Variants in LARP4 observed in about 807,000 individuals in gnomAD.
LARP4 encodes the protein la-related protein 4.
In LARP4, 29 loss-of-function variants were observed where a neutral mutation model predicts 92.9. The observed-to-expected ratio is 0.31, with a 90% CI of 0.23 to 0.43. The LOEUF (loss-of-function observed/expected upper bound fraction) is 0.43, where lower values mean the gene tolerates loss of function less well. LARP4 is among the 20% of genes least tolerant of loss of function. The pLI, the probability that LARP4 is intolerant of heterozygous loss-of-function variation, is 1.00. For synonymous variants in LARP4, 279 were observed against 284.1 expected, an observed-to-expected ratio of 0.98 and a Z score of 0.18; for missense variants, 732 against 860.0, an observed-to-expected ratio of 0.85 and a Z score of 1.86.
rs149999313 is a variant in LARP4, at chr12:50,476,075, A to AAT, written c.*227_*228dup. The stretch of plus-strand genomic sequence containing the variant: ...ATGCTGGAGGATTCCAATCAATATA[A>AAT]ATATATATATATATATACACACACA... On this transcript the variant is annotated 3_prime_UTR_variant, in exon 16 of 16. Transcript: ENST00000398473. 3,980 of 286,874 alleles carry AAT rather than the reference A, an allele frequency of 0.014. 43 individuals are homozygous for AAT. The highest frequency in any genetic ancestry group is 0.04 in the African/African-American group (1,810 of 45,606). 17.8% of individuals were successfully genotyped at this position (286,874 alleles called of 1,614,324 possible).
In LARP4 at chr12:50,476,242, A is replaced by G. The variant is rs1226586459; in HGVS notation, c.*378A>G. 1 of 152,312 alleles carries G rather than the reference A, an allele frequency of 6.6e-6. No homozygotes were observed. Among genetic ancestry groups the G allele is most frequent in the Non-Finnish European group, 1.5e-5 (1 of 68,114 alleles). 9.4% of individuals were successfully genotyped at this position (152,312 alleles called of 1,614,324 possible). On this transcript the variant is annotated 3_prime_UTR_variant, in exon 16 of 16. Coordinates refer to ENST00000398473, the MANE Select transcript of LARP4 (RefSeq NM_052879.5). The stretch of plus-strand genomic sequence containing the variant: ...ATCCTTCAGTATAGGAGATGAGGGA[A>G]TGAGAGAAAATATTTTTTGAAGAAG...
chr12:50,401,118 C>G, intron 1 of LARP4, 90 bp downstream of exon 1: 1 of 1,456,468 alleles, frequency 6.9e-7, no homozygotes, highest in Non-Finnish European at 9.6e-7. Context: ...ACTTTCCGGG[C>G]CGTACACGCC....
Position 50,427,868 on chromosome 12 carries a change from C to G in LARP4, c.125C>G (p.Ser42Cys). 6.2e-7 allele frequency: 1 copy of G among 1,601,268 alleles called. No homozygotes were observed. Among genetic ancestry groups the G allele is most frequent in the Non-Finnish European group, 8.5e-7 (1 of 1,171,420 alleles). ...CCAGTAACTCATGGAACTGAAAGCT[C>G]TTGGCATGAAATAGCAGCTACATCA... ...ATPVTHGTES[S>C]WHEIAATSGA... Residue 42 changes from serine (S) to cysteine (C), a missense_variant, in exon 2 of 16, where the codon TCT becomes TGT. By Grantham distance (112) the Ser-to-Cys change is moderately radical. Coordinates refer to ENST00000398473, the MANE Select transcript of LARP4 (RefSeq NM_052879.5).
chr12:50,446,520 T>C (rs56989201), intron 8 of LARP4, among the ~76,000 whole-genome samples: 15,927 of 143,044 alleles, frequency 0.11, 1,861 homozygotes, highest in East Asian at 0.46. Context: ...CTCTGCCTCC[T>C]GGGTTTCAAG....
chr12:50,467,484 G>A (rs374641028), intron 13 of LARP4, among the ~76,000 whole-genome samples: 4 of 151,886 alleles, frequency 2.6e-5, no homozygotes, highest in East Asian at 3.9e-4. Flanking sequence ...TTTTTTTTTA[G>A]TAGAGACAGG....
chr12:50,437,105 T>A (rs891035197), intron 5 of LARP4, among the ~76,000 whole-genome samples: 1 of 152,174 alleles, frequency 6.6e-6, no homozygotes, highest in African/African-American at 2.4e-5. Context: ...TTATTCTACT[T>A]ACCTGTTCAT....
chr12:50,421,837 G>C (rs191723729), intron 1 of LARP4, among the ~76,000 whole-genome samples: 138 of 152,138 alleles, frequency 9.1e-4, no homozygotes, highest in African/African-American at 3.1e-3. Flanking sequence ...CTTTGTTTCT[G>C]GAGTCAGGCT....
Position 50,479,572 on chromosome 12 carries a change from C to T in LARP4, c.*3708C>T, listed in dbSNP as rs1413046598. 6.6e-6 allele frequency: 1 copy of T among 152,226 alleles called. No homozygotes were observed. The highest frequency in any genetic ancestry group is 2.1e-4 in the South Asian group (1 of 4,828). 9.4% of individuals were successfully genotyped at this position (152,226 alleles called of 1,614,324 possible). On this transcript the variant is annotated 3_prime_UTR_variant, in exon 16 of 16. Transcript: ENST00000398473. The stretch of plus-strand genomic sequence containing the variant: ...TGAGTAAATCCTCCTTTGAAATTCA[C>T]CTGATTATTAGATAACTTAAAGTTT...
At chr12:50,448,204 A>T (rs1436108655) in intron 8 of LARP4, among the ~76,000 whole-genome samples, 1 of 152,104 alleles carries the variant, frequency 6.6e-6, no homozygotes, top group Non-Finnish European at 1.5e-5. Context: ...ATGGACATAC[A>T]ATATACCATC....
chr12:50,451,272 G>A (rs1465509573), intron 8 of LARP4, among the ~76,000 whole-genome samples: 1 of 152,078 alleles, frequency 6.6e-6, no homozygotes, highest in African/African-American at 2.4e-5. Flanking sequence ...GTCTCTATGA[G>A]TTCCACCTTG....
intron 3 of LARP4, among the ~76,000 whole-genome samples, 158 bp downstream of exon 3, chr12:50,429,248 C>T (rs1283329232): frequency 6.6e-6 from 1 of 152,084 alleles, no homozygotes; most frequent in African/African-American, 2.4e-5. Context: ...ACATTGTTTT[C>T]AGATAACATG....
chr12:50,443,738 C>T (rs1036421571), intron 8 of LARP4, among the ~76,000 whole-genome samples: 2 of 152,212 alleles, frequency 1.3e-5, no homozygotes, highest in South Asian at 2.1e-4. Flanking sequence ...CAGCCTCCGG[C>T]GTAGCTGGGG....
intron 1 of LARP4, among the ~76,000 whole-genome samples, chr12:50,418,017 C>T (rs577620474): frequency 2.0e-5 from 3 of 152,092 alleles, no homozygotes; most frequent in East Asian, 1.9e-4. Context: ...CCCACCACCA[C>T]GCCCGGCTAA....
intron 1 of LARP4, among the ~76,000 whole-genome samples, chr12:50,423,808 A>G (rs933891705): frequency 1.6e-4 from 23 of 146,382 alleles, no homozygotes; most frequent in East Asian, 1.0e-3. Context: ...CTGGGGTGCA[A>G]TGATGCAATT....
rs749680720 is a variant in LARP4, at chr12:50,441,564, A to G, written c.751-26A>G. 13 of 1,533,712 alleles carry G rather than the reference A, an allele frequency of 8.5e-6. No individual in the cohort carries two copies. In the East Asian group the frequency reaches 2.0e-4, roughly 24 times the overall value. On this transcript the variant is annotated intron_variant, in intron 7 of 15. Coordinates refer to ENST00000398473, the MANE Select transcript of LARP4 (RefSeq NM_052879.5). ...TACTGAAATGTTTGAATGCTAATGA[A>G]AGTTTTTTTTGTGCTTTGTTAACAG... is the stretch of plus-strand genomic sequence containing the variant.
intron 1 of LARP4, among the ~76,000 whole-genome samples, chr12:50,406,801 C>G (rs1297646397): frequency 2.0e-5 from 3 of 151,772 alleles, no homozygotes; most frequent in Non-Finnish European, 4.4e-5. Context: ...ACTGCAATGT[C>G]TGCCTCCTGG....
intron 6 of LARP4, among the ~76,000 whole-genome samples, chr12:50,439,724 A>G (rs927522218): frequency 7.9e-5 from 12 of 152,150 alleles, no homozygotes; most frequent in African/African-American, 2.7e-4. Context: ...CTATTTCAGT[A>G]GATATTTTCT....
intron 1 of LARP4, among the ~76,000 whole-genome samples, chr12:50,420,388 G>A (rs577769294): frequency 6.6e-6 from 1 of 152,294 alleles, no homozygotes; most frequent in African/African-American, 2.4e-5. Context: ...TATTTTATTG[G>A]AGTTTCAGAA....
chr12:50,435,507 CTT>C lies in LARP4; in HGVS notation c.420_421del (p.Tyr141LeufsTer7). 6.4e-7 allele frequency: 1 copy of C among 1,553,862 alleles called. No homozygotes were observed. Among genetic ancestry groups the C allele is most frequent in the Non-Finnish European group, 8.8e-7 (1 of 1,131,208 alleles). ...TTTCAGAGAAAATTTGTCAAAGGATCTTTACTTGATATCTCAAATGGATAGTG... is the reference window on the plus strand; with the variant it reads ...TTTCAGAGAAAATTTGTCAAAGGATCTACTTGATATCTCAAATGGATAGTG... The part of the protein sequence containing the change: ...CFSRENLSKD[L>X]YLISQMDSDQ... On this transcript the variant is annotated frameshift_variant, in exon 5 of 16. Transcript: ENST00000398473. LOFTEE classifies it high-confidence loss of function.
Sources: allele counts gnomAD v4.1 joint callset (sites outside exome capture counted in the v4.1 genomes callset), GRCh38; gene constraint gnomAD v4.1.1; transcripts MANE v1.5; gene names NCBI Gene and HGNC (gene_info 2026-07-23, HGNC 2026-07-21).